The following PHF21A variants were observed in gnomAD, a reference collection of about 807,000 sequenced individuals.
PHF21A encodes the protein BHC80a.
A neutral mutation model predicts 82.5 loss-of-function variants in PHF21A; 11 were observed. That is an observed-to-expected ratio of 0.13 (90% CI 0.08 to 0.22). PHF21A has a LOEUF of 0.22. Ranked by LOEUF, PHF21A falls within the 10% of genes least tolerant of loss-of-function variation. PHF21A has a pLI of 1.00. For synonymous variants in PHF21A, 297 were observed against 302.8 expected (o/e 0.98, Z 0.20); for missense variants, 579 against 837.8 (o/e 0.69, Z 3.81).
intron 1 of PHF21A, among the ~76,000 whole-genome samples, chr11:46,107,289 T>C (rs13377242): frequency 0.15 from 23,029 of 152,118 alleles, 3,709 homozygotes; most frequent in East Asian, 0.58. Flanking sequence ...AAAGGAAAAC[T>C]AGGCTCTACC....
Position 45,950,852 on chromosome 11 carries a change from G to A in PHF21A, c.1096-595C>T, listed in dbSNP as rs140147881. ...AAATCCTGAGTGTTTCACTTGTCAC[G>A]ACTAGGTCAGTTTCTCACATTTATA... On this transcript the variant is annotated intron_variant, in intron 11 of 18. Coordinates refer to ENST00000676320, the MANE Select transcript of PHF21A (RefSeq NM_001352027.3). 8.5e-5 allele frequency among the ~76,000 whole-genome samples: 13 copies of A among 152,284 alleles called. No individual in the cohort carries two copies. In the East Asian group the frequency reaches 1.4e-3, roughly 16 times the overall value.
chr11:46,017,935 C>CT (rs1203950709), intron 6 of PHF21A, among the ~76,000 whole-genome samples: 1 of 152,118 alleles, frequency 6.6e-6, no homozygotes, highest in Non-Finnish European at 1.5e-5. Flanking sequence ...ATTCATTACT[C>CT]TAACTAGCTG....
chr11:45,978,456 T>C (rs1003888632), intron 7 of PHF21A, among the ~76,000 whole-genome samples: 1 of 152,224 alleles, frequency 6.6e-6, no homozygotes, highest in Non-Finnish European at 1.5e-5. Context: ...AACTTATCTT[T>C]AGTGTTCTTA....
In PHF21A at chr11:46,006,959, G is replaced by A. The variant is rs78353736; in HGVS notation, c.154-26993C>T. Among the ~76,000 whole-genome samples, 1,772 of 152,238 alleles carry A rather than the reference G, an allele frequency of 0.012. 254 individuals are homozygous for A. In the East Asian group the frequency reaches 0.3, roughly 26 times the overall value. On this transcript the variant is annotated intron_variant, in intron 6 of 18. Coordinates refer to ENST00000676320, the MANE Select transcript of PHF21A (RefSeq NM_001352027.3). Reference sequence around the variant, plus strand: ...TAAAATTTAAAGATAACAATAACAAGAGCTATTATTTACTTATTAAGTGCC... The same window carrying A: ...TAAAATTTAAAGATAACAATAACAAAAGCTATTATTTACTTATTAAGTGCC...
intron 6 of PHF21A, among the ~76,000 whole-genome samples, chr11:46,070,826 TG>T (rs1007176436): frequency 6.6e-6 from 1 of 152,232 alleles, no homozygotes; most frequent in Non-Finnish European, 1.5e-5. Flanking sequence ...GCAAATTCTT[TG>T]AAAAATATAC....
At chr11:46,087,638 T>C (rs1026411856) in intron 3 of PHF21A, among the ~76,000 whole-genome samples, 7 of 152,204 alleles carry the variant, frequency 4.6e-5, no homozygotes, top group Non-Finnish European at 8.8e-5. Flanking sequence ...CATGTATTTA[T>C]AGTTTACAAA....
At chr11:46,114,325 G>A (rs1332680151) in intron 1 of PHF21A, among the ~76,000 whole-genome samples, 2 of 152,194 alleles carry the variant, frequency 1.3e-5, no homozygotes, top group Non-Finnish European at 2.9e-5. Flanking sequence ...TGTGGAAGGA[G>A]GCTGGGAAAG....
At chr11:46,028,746 G>A (rs1218752668) in intron 6 of PHF21A, among the ~76,000 whole-genome samples, 1 of 151,966 alleles carries the variant, frequency 6.6e-6, no homozygotes, top group African/African-American at 2.4e-5. Context: ...GCTAATTTCT[G>A]TATTTTTAGT....
At chr11:45,953,450 A>G in intron 11 of PHF21A, 77 bp downstream of exon 11, 2 of 824,072 alleles carry the variant, frequency 2.4e-6, no homozygotes, top group Non-Finnish European at 4.2e-6. Flanking sequence ...TCATTCAGAG[A>G]GCAGGTGCCC....
At chr11:46,022,150 T>C (rs2095644308) in intron 6 of PHF21A, among the ~76,000 whole-genome samples, 1 of 152,206 alleles carries the variant, frequency 6.6e-6, no homozygotes, top group Non-Finnish European at 1.5e-5. Flanking sequence ...TGTTTCTTTC[T>C]TTTTTTATTT....
At chr11:46,118,487 T>C (rs1473560369) in intron 1 of PHF21A, among the ~76,000 whole-genome samples, 1 of 151,906 alleles carries the variant, frequency 6.6e-6, no homozygotes, top group African/African-American at 2.4e-5. Flanking sequence ...TTTGAGAACT[T>C]TGTGCACTAT....
At chr11:45,936,787 G>GCGC (rs1226413917) in intron 16 of PHF21A, 2 of 516,468 alleles carry the variant, frequency 3.9e-6, no homozygotes, top group African/African-American at 4.0e-5. Context: ...CAGGACACTT[G>GCGC]AGCCCAGGCT....
intron 6 of PHF21A, among the ~76,000 whole-genome samples, chr11:46,069,218 T>A (rs2096628648): frequency 6.6e-6 from 1 of 152,216 alleles, no homozygotes. Flanking sequence ...AAATTTGAAA[T>A]ATTACATTTC....
chr11:45,955,779 A>C (rs2092589771), intron 10 of PHF21A, among the ~76,000 whole-genome samples: 1 of 152,224 alleles, frequency 6.6e-6, no homozygotes. Flanking sequence ...GGGGGAAGCC[A>C]GCTGCCACGT....
In PHF21A at chr11:46,055,116, TA is replaced by T. The variant is rs552000619; in HGVS notation, c.153+21637del. Reference sequence around the variant, plus strand: ...CTCTACCATTTCCATTTTGGACTTTTAAATTATGGCGAGAACTTAAGATACT... The same window carrying T: ...CTCTACCATTTCCATTTTGGACTTTTAATTATGGCGAGAACTTAAGATACT... On this transcript the variant is annotated intron_variant, in intron 6 of 18. Coordinates refer to ENST00000676320, the MANE Select transcript of PHF21A (RefSeq NM_001352027.3). Among the ~76,000 whole-genome samples, 795 of 152,298 alleles carry T rather than the reference TA, an allele frequency of 5.2e-3. 8 individuals carry two copies. Among genetic ancestry groups the T allele is most frequent in the African/African-American group, 0.018 (745 of 41,576 alleles).
chr11:46,111,617 A>C (rs2097215241), intron 1 of PHF21A, among the ~76,000 whole-genome samples: 1 of 152,238 alleles, frequency 6.6e-6, no homozygotes, highest in African/African-American at 2.4e-5. Context: ...TAAGAAAGGC[A>C]CTGCCCTGCT....
intron 6 of PHF21A, among the ~76,000 whole-genome samples, chr11:46,000,836 C>T (rs1460453004): frequency 6.6e-6 from 1 of 152,104 alleles, no homozygotes; most frequent in African/African-American, 2.4e-5. Flanking sequence ...AGGAGGATCG[C>T]TTGAACCCAG....
chr11:46,073,045 C>T (rs2096672814), intron 6 of PHF21A, among the ~76,000 whole-genome samples: 1 of 152,002 alleles, frequency 6.6e-6, no homozygotes, highest in South Asian at 2.1e-4. Flanking sequence ...ATAGTTGCTT[C>T]CACACTTCAG....
At chr11:46,049,350 C>T in intron 6 of PHF21A, 1 of 439,772 alleles carries the variant, frequency 2.3e-6, no homozygotes, top group Admixed American at 2.5e-5. Flanking sequence ...TTTCTTATGC[C>T]CTCACCATTC....
Sources: gnomAD v4.1 joint callset for allele counts (sites outside exome capture counted in the v4.1 genomes callset) on GRCh38, gnomAD v4.1.1 for gene constraint, MANE v1.5 for transcripts, NCBI Gene and HGNC (gene_info 2026-07-23, HGNC 2026-07-21) for gene names.